NALF1: variants seen among roughly 807,000 people sequenced by gnomAD.
The protein encoded by NALF1 is family with sequence similarity 155 member A.
Under a neutral mutation model 48.4 loss-of-function variants are expected in NALF1, and 3 were observed. The ratio of observed to expected loss-of-function variants is 0.06; its 90% CI spans 0.03 to 0.16. The LOEUF is 0.16. Among genes scored for constraint, NALF1 ranks in the 10% least tolerant of loss-of-function variants. NALF1 has a pLI of 1.00. For synonymous variants in NALF1, 262 were observed against 245.7 expected (o/e 1.07, Z -0.62); for missense variants, 526 against 571.5 (o/e 0.92, Z 0.81).
chr13:107,850,097 C>T (rs894970913), intron 1 of NALF1, among the ~76,000 whole-genome samples: 3 of 152,046 alleles, frequency 2.0e-5, no homozygotes, highest in African/African-American at 7.2e-5. Context: ...GAATGCTGTG[C>T]CCTAGGCCTT....
At chr13:107,828,601 ATC>A (rs1273217226) in intron 1 of NALF1, among the ~76,000 whole-genome samples, 1,061 of 34,138 alleles carry the variant, frequency 0.031, 18 homozygotes, top group Admixed American at 0.11. Context: ...CTATATCTAT[ATC>A]TATACACACA....
intron 1 of NALF1, among the ~76,000 whole-genome samples, chr13:107,680,121 C>T (rs1210813388): frequency 1.3e-5 from 2 of 152,098 alleles, no homozygotes; most frequent in Non-Finnish European, 2.9e-5. Context: ...CTGCAGGTAC[C>T]CAGCTGCCCA....
rs151233448 is a variant in NALF1, at chr13:107,791,014, C to G, written c.915+74668G>C. On this transcript the variant is annotated intron_variant, in intron 1 of 2. Coordinates refer to ENST00000375915, the MANE Select transcript of NALF1 (RefSeq NM_001080396.3). ...GAGATGGTGAAAACTACCCACAAAC[C>G]TAAAAATGTTATTAGTCTCATATAC... is the stretch of plus-strand genomic sequence containing the variant. 3.9e-3 allele frequency among the ~76,000 whole-genome samples: 596 copies of G among 152,102 alleles called. 4 individuals carry two copies. The highest frequency in any genetic ancestry group is 0.027 in the Middle Eastern group (8 of 294).
rs117789200 is a variant in NALF1 at position 107,346,009 on chromosome 13, C to T, written c.916-135254G>A. On this transcript the variant is annotated intron_variant, in intron 1 of 2. Coordinates refer to ENST00000375915, the MANE Select transcript of NALF1 (RefSeq NM_001080396.3). ...GATGGCCAACATGCATAGGAAAAGA[C>T]GCTCAACATCACTAATCACCATGGA... is the stretch of plus-strand genomic sequence containing the variant. 9.8e-3 allele frequency among the ~76,000 whole-genome samples: 1,485 copies of T among 152,164 alleles called. 7 individuals are homozygous for T. Among genetic ancestry groups the T allele is most frequent in the Middle Eastern group, 0.017 (5 of 294 alleles).
rs143416760 is a variant in NALF1 at position 107,651,951 on chromosome 13, G to A, written c.915+213731C>T. ...ATCAAAGCTAATTTTAAACTTGAAA[G>A]TTTTCCATTTTAATGAATGTGAGAT... On this transcript the variant is annotated intron_variant, in intron 1 of 2. Transcript: ENST00000375915. Among the ~76,000 whole-genome samples the A allele has an allele frequency of 4.1e-4, 62 of 152,252 alleles. No homozygotes were observed. The East Asian group carries it at 0.011, about 27-fold the overall frequency.
chr13:107,509,719 C>T (rs1594101797), intron 1 of NALF1, among the ~76,000 whole-genome samples: 1 of 152,138 alleles, frequency 6.6e-6, no homozygotes, highest in African/African-American at 2.4e-5. Context: ...TGCCTTATAA[C>T]TGTCAGATTA....
chr13:107,599,362 C>A (rs1315675409), intron 1 of NALF1, among the ~76,000 whole-genome samples: 1 of 148,038 alleles, frequency 6.8e-6, no homozygotes, highest in Non-Finnish European at 1.5e-5. Context: ...GCGGAGCTTG[C>A]AGTGAGCCAA....
intron 1 of NALF1, among the ~76,000 whole-genome samples, chr13:107,681,812 G>A (rs1405998749): frequency 6.6e-6 from 1 of 152,172 alleles, no homozygotes; most frequent in African/African-American, 2.4e-5. Flanking sequence ...TGTTCCAGAA[G>A]CCTCAACTAT....
In NALF1 at chr13:107,236,662, CATCTGTCTGTCTATCT is replaced by C. The variant is rs1413312480; in HGVS notation, c.916-25923_916-25908del. 1.1e-4 allele frequency among the ~76,000 whole-genome samples: 16 copies of C among 148,164 alleles called. No homozygotes were observed. The South Asian group carries it at 2.6e-3, about 24-fold the overall frequency. On this transcript the variant is annotated intron_variant, in intron 1 of 2. Coordinates refer to ENST00000375915, the MANE Select transcript of NALF1 (RefSeq NM_001080396.3). ...TTAATTATGGCACTATCTATCTATC[CATCTGTCTGTCTATCT>C]ATCTATCTATCTATCTATCTATCTA... is the stretch of plus-strand genomic sequence containing the variant.
chr13:107,392,273 C>G (rs1371451886), intron 1 of NALF1, among the ~76,000 whole-genome samples: 1 of 152,038 alleles, frequency 6.6e-6, no homozygotes, highest in East Asian at 1.9e-4. Context: ...TGAAGATTCA[C>G]CCTTGCAGGG....
chr13:107,184,032 C>CAGTGGCATG (rs1301387107), intron 2 of NALF1, among the ~76,000 whole-genome samples: 1 of 150,022 alleles, frequency 6.7e-6, no homozygotes, highest in Non-Finnish European at 1.5e-5. Flanking sequence ...GGCTGGAGTG[C>CAGTGGCATG]AGTGGCATGA....
At chr13:107,411,301 GTT>G (rs5806654) in intron 1 of NALF1, among the ~76,000 whole-genome samples, 4,550 of 136,354 alleles carry the variant, frequency 0.033, 232 homozygotes, top group African/African-American at 0.11. Flanking sequence ...GTAGAATCTT[GTT>G]TTTTTTTTTT....
At chr13:107,454,755 C>A (rs1484820662) in intron 1 of NALF1, among the ~76,000 whole-genome samples, 1 of 152,150 alleles carries the variant, frequency 6.6e-6, no homozygotes, top group African/African-American at 2.4e-5. Flanking sequence ...CTACCTGAAA[C>A]CAGCTGCATA....
At chr13:107,529,258 A>G (rs898398691) in intron 1 of NALF1, among the ~76,000 whole-genome samples, 1 of 152,140 alleles carries the variant, frequency 6.6e-6, no homozygotes, top group African/African-American at 2.4e-5. Context: ...TGCATAGTGA[A>G]TAATTATTCA....
At chr13:107,733,109 T>A (rs966587276) in intron 1 of NALF1, among the ~76,000 whole-genome samples, 2 of 151,326 alleles carry the variant, frequency 1.3e-5, no homozygotes, top group Admixed American at 6.6e-5. Flanking sequence ...TGTAAATATA[T>A]CGGACATTTC....
chr13:107,855,175 T>C (rs1481810765), intron 1 of NALF1, among the ~76,000 whole-genome samples: 1 of 152,172 alleles, frequency 6.6e-6, no homozygotes, highest in Non-Finnish European at 1.5e-5. Context: ...TTAAACTGGA[T>C]GCACCAATCC....
At chr13:107,224,453 A>G (rs1880060748) in intron 1 of NALF1, among the ~76,000 whole-genome samples, 1 of 148,882 alleles carries the variant, frequency 6.7e-6, no homozygotes, top group Non-Finnish European at 1.5e-5. Flanking sequence ...TATATATAAT[A>G]TAAATATAAT....
At chr13:107,818,683 T>C (rs1050764458) in intron 1 of NALF1, among the ~76,000 whole-genome samples, 13 of 150,414 alleles carry the variant, frequency 8.6e-5, no homozygotes, top group South Asian at 2.1e-4. Flanking sequence ...CCATCCTGGC[T>C]AACACGGTGA....
intron 1 of NALF1, among the ~76,000 whole-genome samples, chr13:107,801,888 T>A (rs1342506589): frequency 6.6e-6 from 1 of 152,136 alleles, no homozygotes; most frequent in African/African-American, 2.4e-5. Context: ...ATGAAATGAT[T>A]CCGAATTACC....
Sources: gnomAD v4.1 joint callset for allele counts (sites outside exome capture counted in the v4.1 genomes callset) on GRCh38, gnomAD v4.1.1 for gene constraint, MANE v1.5 for transcripts, NCBI Gene and HGNC (gene_info 2026-07-23, HGNC 2026-07-21) for gene names.